The following CRY1 variants were observed in gnomAD, a reference collection of about 807,000 sequenced individuals.
CRY1 encodes the protein cryptochrome-1.
A neutral mutation model predicts 76.0 loss-of-function variants in CRY1; 45 were observed. The ratio of observed to expected loss-of-function variants is 0.59; its 90% CI spans 0.47 to 0.76. CRY1 has a LOEUF of 0.76. CRY1 is among the 30% of genes least tolerant of loss of function. The pLI is 0.00. For missense variants in CRY1, 587 were observed against 716.4 expected (o/e 0.82, Z 2.06); for synonymous variants, 248 against 244.0 (o/e 1.02, Z -0.15).
At chr12:107,023,045 CA>C (rs1273267980) in intron 1 of CRY1, among the ~76,000 whole-genome samples, 8 of 152,230 alleles carry the variant, frequency 5.3e-5, no homozygotes, top group Non-Finnish European at 8.8e-5. Context: ...AGATGTCACC[CA>C]TGGAAGGTCC....
At chr12:107,061,117 C>G (rs1953041299) in intron 1 of CRY1, among the ~76,000 whole-genome samples, 1 of 152,064 alleles carries the variant, frequency 6.6e-6, no homozygotes. Flanking sequence ...GCTATAACAA[C>G]TATTTAACAT....
At chr12:107,016,821 T>C (rs372988999) in intron 2 of CRY1, among the ~76,000 whole-genome samples, 2 of 152,202 alleles carry the variant, frequency 1.3e-5, no homozygotes, top group African/African-American at 4.8e-5. Flanking sequence ...TTCCATTAAA[T>C]GGGAATCCAT....
In CRY1 at chr12:107,075,972, T is replaced by C. The variant is rs543950813; in HGVS notation, c.158+16832A>G. On this transcript the variant is annotated intron_variant, in intron 1 of 12. Transcript: ENST00000008527. ...GTGAATGTTGACATTTACTGTGATATAGAGAAGCCATGGGAGGTAGAGGAG... is the reference window on the plus strand; with the variant it reads ...GTGAATGTTGACATTTACTGTGATACAGAGAAGCCATGGGAGGTAGAGGAG... 3.3e-5 allele frequency among the ~76,000 whole-genome samples: 5 copies of C among 152,190 alleles called. No individual in the cohort carries two copies. The East Asian group carries it at 7.7e-4, about 23-fold the overall frequency.
At chr12:107,024,793 A>G (rs1183961058) in intron 1 of CRY1, among the ~76,000 whole-genome samples, 1 of 152,254 alleles carries the variant, frequency 6.6e-6, no homozygotes, top group Non-Finnish European at 1.5e-5. Flanking sequence ...GTACTTCATG[A>G]AACAAAAGAC....
rs182191809 is a variant in CRY1 at position 107,040,657 on chromosome 12, A to G, written c.159-18465T>C. On this transcript the variant is annotated intron_variant, in intron 1 of 12. Coordinates refer to ENST00000008527, the MANE Select transcript of CRY1 (RefSeq NM_004075.5). The stretch of plus-strand genomic sequence containing the variant: ...TTAATAATGTATTTTACACTTAAAA[A>G]TCTTTCAACAGGGTAGATCTCAATT... Among the ~76,000 whole-genome samples, 154 of 152,264 alleles carry G rather than the reference A, an allele frequency of 1.0e-3. 1 individual carries two copies. Among genetic ancestry groups the G allele is most frequent in the African/African-American group, 3.4e-3 (141 of 41,558 alleles).
At chr12:107,011,183 AAAAC>A (rs778769879) in intron 2 of CRY1, among the ~76,000 whole-genome samples, 8 of 152,232 alleles carry the variant, frequency 5.3e-5, no homozygotes, top group East Asian at 1.9e-4. Context: ...GTCTCTACTA[AAAAC>A]AAACAAACAA....
intron 1 of CRY1, among the ~76,000 whole-genome samples, chr12:107,056,029 C>T (rs1593528838): frequency 2.0e-5 from 3 of 152,240 alleles, no homozygotes; most frequent in Admixed American, 1.3e-4. Flanking sequence ...ATAAGGAATT[C>T]CCAAACCAAA....
chr12:106,993,039 G>T lies in CRY1; in HGVS notation c.1586-3C>A. 6.2e-7 allele frequency: 1 copy of T among 1,613,622 alleles called. No individual in the cohort carries two copies. ...AATACCACTCCCTTGAGAGCAACCT[G>T]TTAGTATTTAAAACACAGTAAAATT... On this transcript the variant is annotated splice_polypyrimidine_tract_variant and splice_region_variant and intron_variant, in intron 10 of 12. Coordinates refer to ENST00000008527, the MANE Select transcript of CRY1 (RefSeq NM_004075.5).
intron 1 of CRY1, among the ~76,000 whole-genome samples, chr12:107,044,844 A>C (rs1372387068): frequency 2.0e-5 from 3 of 152,200 alleles, no homozygotes; most frequent in Non-Finnish European, 4.4e-5. Context: ...AGGAAATAAG[A>C]ATGAAAAAGA....
rs1199275681 is a variant in CRY1, at chr12:107,093,468, G to C, written c.-507C>G. 1.3e-5 allele frequency: 2 copies of C among 152,910 alleles called. No homozygotes were observed. Among genetic ancestry groups the C allele is most frequent in the African/African-American group, 4.8e-5 (2 of 41,478 alleles). 9.5% of individuals were successfully genotyped at this position (152,910 alleles called of 1,614,324 possible). A position where few individuals can be genotyped will look rare whatever the true frequency, so the allele number is the denominator to read the frequency against. Reference sequence around the variant, plus strand: ...TCTCTCGGCCCGGGAGAAAGGACCGGGAACGGAGGCTAGAGGCGGTGGTCG... The same window carrying C: ...TCTCTCGGCCCGGGAGAAAGGACCGCGAACGGAGGCTAGAGGCGGTGGTCG... On this transcript the variant is annotated 5_prime_UTR_variant, in exon 1 of 13. Transcript: ENST00000008527.
rs770447446 is a variant in CRY1, at chr12:106,993,080, C to T, written c.1586-44G>A. On this transcript the variant is annotated intron_variant, in intron 10 of 12. Transcript: ENST00000008527. ...CAGTAAAATTACTTAAAATCAAATCCAAGATGTATGTATTATTAAGTCTAC... is the reference window on the plus strand; with the variant it reads ...CAGTAAAATTACTTAAAATCAAATCTAAGATGTATGTATTATTAAGTCTAC... 2.5e-6 allele frequency: 4 copies of T among 1,582,992 alleles called. No individual in the cohort carries two copies. In the South Asian group the frequency reaches 4.4e-5, roughly 18 times the overall value.
intron 1 of CRY1, among the ~76,000 whole-genome samples, chr12:107,031,484 G>T (rs1163012499): frequency 6.6e-6 from 1 of 150,944 alleles, no homozygotes; most frequent in Admixed American, 6.6e-5. Flanking sequence ...TGGGATGAAA[G>T]AAAATAAAAT....
chr12:107,022,213 T>C (rs563372774), intron 1 of CRY1, 21 bp from the exon 2 acceptor site: 5 of 1,362,348 alleles, frequency 3.7e-6, no homozygotes, highest in African/African-American at 3.0e-5. Context: ...GAAAGTATTA[T>C]TTAAATTATT....
chr12:107,087,376 T>G (rs1953415672), intron 1 of CRY1, among the ~76,000 whole-genome samples: 1 of 152,232 alleles, frequency 6.6e-6, no homozygotes, highest in Non-Finnish European at 1.5e-5. Context: ...AGAAGCCATG[T>G]GGTCTGTGCC....
At chr12:107,065,916 T>C (rs752171606) in intron 1 of CRY1, among the ~76,000 whole-genome samples, 12 of 152,238 alleles carry the variant, frequency 7.9e-5, no homozygotes, top group Non-Finnish European at 1.3e-4. Context: ...CCCAGCCCTA[T>C]AGGATGTAGT....
At position 107,063,895 on chromosome 12, in the gene CRY1, C is replaced by T. The variant is rs186610460; in HGVS notation, c.158+28909G>A. 2.0e-4 allele frequency among the ~76,000 whole-genome samples: 31 copies of T among 152,306 alleles called. No individual in the cohort carries two copies. The East Asian group carries it at 5.0e-3, about 25-fold the overall frequency. On this transcript the variant is annotated intron_variant, in intron 1 of 12. Transcript: ENST00000008527. ...TTAAGGCATGAGCCACTGCGTCCAG[C>T]TGGGTCATAGTTCTTAATCAGGGCT... is the stretch of plus-strand genomic sequence containing the variant.
Position 107,087,983 on chromosome 12 carries a change from G to A in CRY1, c.158+4821C>T, listed in dbSNP as rs1290806666. ...GAGCCCAGGTGGTTGAGGCTACAGTGAGCCATGATCACGCCTCTGCACTCC... is the reference window on the plus strand; with the variant it reads ...GAGCCCAGGTGGTTGAGGCTACAGTAAGCCATGATCACGCCTCTGCACTCC... On this transcript the variant is annotated intron_variant, in intron 1 of 12. Coordinates refer to ENST00000008527, the MANE Select transcript of CRY1 (RefSeq NM_004075.5). 2.6e-5 allele frequency among the ~76,000 whole-genome samples: 4 copies of A among 152,252 alleles called. No individual in the cohort carries two copies. In the South Asian group the frequency reaches 8.3e-4, roughly 32 times the overall value.
intron 1 of CRY1, among the ~76,000 whole-genome samples, chr12:107,053,465 TGC>T (rs1952945964): frequency 6.6e-6 from 1 of 152,082 alleles, no homozygotes; most frequent in Non-Finnish European, 1.5e-5. Flanking sequence ...TACAGGCATG[TGC>T]CACCACACCC....
intron 5 of CRY1, among the ~76,000 whole-genome samples, chr12:107,000,693 AG>A (rs979847441): frequency 1.3e-5 from 2 of 151,926 alleles, no homozygotes; most frequent in African/African-American, 4.8e-5. Context: ...TCCATCACCC[AG>A]GCTGGAGTAC....
Sources: gnomAD v4.1 joint callset for allele counts (sites outside exome capture counted in the v4.1 genomes callset) on GRCh38, gnomAD v4.1.1 for gene constraint, MANE v1.5 for transcripts, NCBI Gene and HGNC (gene_info 2026-07-23, HGNC 2026-07-21) for gene names.